The following MIDN variants were observed in gnomAD, a reference collection of about 807,000 sequenced individuals.
The protein encoded by MIDN is midnolin.
In MIDN, 26 loss-of-function variants were observed where a neutral mutation model predicts 46.1. The observed-to-expected ratio is 0.56, with a 90% CI of 0.41 to 0.78. The LOEUF is 0.78. MIDN is among the 30% of genes least tolerant of loss of function. The probability of loss-of-function intolerance (pLI) is 0.00; values close to 1 mark genes in which losing one functional copy is unlikely to be tolerated. For missense variants in MIDN, 850 were observed against 771.8 expected, an observed-to-expected ratio of 1.10 and a Z score of -1.20; for synonymous variants, 432 against 343.3, an observed-to-expected ratio of 1.26 and a Z score of -2.86.
chr19:1,251,727 C>T, intron 3 of MIDN, 78 bp downstream of exon 3: 1 of 1,519,202 alleles, frequency 6.6e-7, no homozygotes, highest in Non-Finnish European at 9.0e-7. Context: ...CCTGTCCGCA[C>T]ACACACTACC....
chr19:1,249,379 C>A (rs1454246570), intron 1 of MIDN, among the ~76,000 whole-genome samples: 1 of 150,520 alleles, frequency 6.6e-6, no homozygotes, highest in Admixed American at 6.6e-5. Context: ...TTCGCGCTCC[C>A]GCTTCCGCTC....
At position 1,258,802 on chromosome 19, in the gene MIDN, AG is replaced by A. The variant is rs1176397562; in HGVS notation, c.*1531del. 2.6e-5 allele frequency: 4 copies of A among 152,064 alleles called. No homozygotes were observed. Among genetic ancestry groups the A allele is most frequent in the Non-Finnish European group, 5.9e-5 (4 of 67,960 alleles). The allele number at this position is 152,064 out of a possible 1,614,324, so 9.4% of individuals were successfully genotyped here. A position where few individuals can be genotyped will look rare whatever the true frequency, so the allele number is the denominator to read the frequency against. On this transcript the variant is annotated 3_prime_UTR_variant, in exon 9 of 9. Coordinates refer to ENST00000682408, the MANE Select transcript of MIDN (RefSeq NM_001388306.1). ...TTGTTTTCATTTTTCCAAAAAAAAA[AG>A]AAAAAAAAATAGAAAAAAAAGGAGT...
chr19:1,251,510 G>A (rs1422272437), intron 2 of MIDN, 52 bp from the exon 3 acceptor site: 6 of 1,558,278 alleles, frequency 3.9e-6, no homozygotes, highest in Non-Finnish European at 5.2e-6. Context: ...CTCTGCTTCC[G>A]CGTCCCTGTG....
At chr19:1,253,393 C>T (rs1229530010) in intron 4 of MIDN, among the ~76,000 whole-genome samples, 3 of 150,956 alleles carry the variant, frequency 2.0e-5, no homozygotes, top group Non-Finnish European at 4.4e-5. Flanking sequence ...GTCATCCCAG[C>T]CTATGTCACT....
At chr19:1,252,100 C>G (rs1005935627) in intron 4 of MIDN, among the ~76,000 whole-genome samples, 199 bp downstream of exon 4, 2 of 152,154 alleles carry the variant, frequency 1.3e-5, no homozygotes, top group Non-Finnish European at 2.9e-5. Context: ...GGAGGGCTTT[C>G]TCTCCCACGG....
rs1599984766 is a variant in MIDN, at chr19:1,254,366, T to C, written c.713T>C (p.Val238Ala). 1.6e-5 allele frequency: 25 copies of C among 1,561,698 alleles called. No homozygotes were observed. The highest frequency in any genetic ancestry group is 2.2e-5 in the Non-Finnish European group (25 of 1,160,628). ...ASPVSSPCRPVSSAARVPPVP... is the reference protein window; with the variant it reads ...ASPVSSPCRPASSAARVPPVP... ...CCCGTGTCCTCGCCCTGCCGGCCGG[T>C]GTCCAGTGCCGCCCGAGTCCCCCCG... Residue 238 changes from valine to alanine, a missense_variant, in exon 6 of 9, where the codon GTG becomes GCG. Physicochemically the swap from Val to Ala is moderately conservative, Grantham distance 64. Transcript: ENST00000682408.
rs2081213716 is a variant in MIDN at position 1,257,428 on chromosome 19, TC to T, written c.*157del. ...CTTTTCTTCTTTTTTATTATTTTTT[TC>T]TTTTTTTAAAAAGTTCTGACCGTGG... is the stretch of plus-strand genomic sequence containing the variant. On this transcript the variant is annotated 3_prime_UTR_variant, in exon 9 of 9. Coordinates refer to ENST00000682408, the MANE Select transcript of MIDN (RefSeq NM_001388306.1). 3.2e-6 allele frequency: 2 copies of T among 628,296 alleles called. No individual in the cohort carries two copies. The highest frequency in any genetic ancestry group is 3.8e-5 in the African/African-American group (2 of 52,468). The allele number at this position is 628,296 out of a possible 1,614,324, so 38.9% of individuals were successfully genotyped here. A position where few individuals can be genotyped will look rare whatever the true frequency, so the allele number is the denominator to read the frequency against.
In MIDN at chr19:1,253,967, C is replaced by T; in HGVS notation, c.398C>T (p.Pro133Leu). 7.2e-7 allele frequency: 1 copy of T among 1,390,534 alleles called. No homozygotes were observed. Among genetic ancestry groups the T allele is most frequent in the Non-Finnish European group, 9.3e-7 (1 of 1,080,008 alleles). The allele number at this position is 1,390,534 out of a possible 1,614,324, so 86.1% of individuals were successfully genotyped here. A position where few individuals can be genotyped will look rare whatever the true frequency, so the allele number is the denominator to read the frequency against. ...CTGTCCCCACAGCCCCCAGCGGCGCCCGGGCCGGGCCGGGCTGGCGGAGGA... is the reference window on the plus strand; with the variant it reads ...CTGTCCCCACAGCCCCCAGCGGCGCTCGGGCCGGGCCGGGCTGGCGGAGGA... ...SLTETQPPAA[P>L]GPGRAGGGGF... The change falls in exon 5 of 9, where the codon CCC (proline) becomes CTC (leucine). Residue 133 changes from proline to leucine, a missense_variant. Physicochemically the swap from Pro to Leu is moderately conservative, Grantham distance 98. Coordinates refer to ENST00000682408, the MANE Select transcript of MIDN (RefSeq NM_001388306.1).
intron 8 of MIDN, 69 bp from the exon 9 acceptor site, chr19:1,256,926 G>A: frequency 6.3e-7 from 1 of 1,592,164 alleles, no homozygotes; most frequent in South Asian, 1.1e-5. Flanking sequence ...ATTTGCTGGG[G>A]TCTGGGGTGG....
chr19:1,252,378 C>T (rs939227137), intron 4 of MIDN, among the ~76,000 whole-genome samples: 13 of 151,950 alleles, frequency 8.6e-5, no homozygotes, highest in African/African-American at 1.4e-4. Context: ...TCTCGTCACC[C>T]TCCCCTCCTC....
rs772083370 is a variant in MIDN at position 1,251,558 on chromosome 19, C to T, written c.234-4C>T. On this transcript the variant is annotated splice_polypyrimidine_tract_variant and splice_region_variant and intron_variant, in intron 2 of 8. Coordinates refer to ENST00000682408, the MANE Select transcript of MIDN (RefSeq NM_001388306.1). The stretch of plus-strand genomic sequence containing the variant: ...AGTCTCATGCTCTTCCTTCCTCCCC[C>T]CAGCCGGCTCAGTTCGGGGAAGCTG... 13 of 1,607,372 alleles carry T rather than the reference C, an allele frequency of 8.1e-6. No individual in the cohort carries two copies. The highest frequency in any genetic ancestry group is 1.1e-5 in the South Asian group (1 of 90,430).
At chr19:1,256,051 G>C (rs924169103) in intron 8 of MIDN, among the ~76,000 whole-genome samples, 1 of 152,224 alleles carries the variant, frequency 6.6e-6, no homozygotes, top group African/African-American at 2.4e-5. Flanking sequence ...GAAAAGCAGC[G>C]AACACAACCC....
At chr19:1,249,467 G>GC (rs1186699824) in intron 1 of MIDN, among the ~76,000 whole-genome samples, 5 of 149,624 alleles carry the variant, frequency 3.3e-5, no homozygotes, top group African/African-American at 1.2e-4. Flanking sequence ...AATGGCCCGC[G>GC]CCCCCTCCCG....
intron 1 of MIDN, among the ~76,000 whole-genome samples, chr19:1,249,230 C>A (rs895578899): frequency 2.0e-5 from 3 of 148,500 alleles, no homozygotes; most frequent in Admixed American, 2.0e-4. Context: ...CCGGCGGCAG[C>A]CACCCGGCCA....
rs1346059231 is a variant in MIDN, at chr19:1,258,768, GGTTTT to G, written c.*1507_*1511del. ...CAGAGGGTAGAGCTCAAGGATTTTG[GGTTTT>G]GTTTTGTTTTCATTTTTCCAAAAAA... On this transcript the variant is annotated 3_prime_UTR_variant, in exon 9 of 9. Transcript: ENST00000682408. 2 of 151,032 alleles carry G rather than the reference GGTTTT, an allele frequency of 1.3e-5. No homozygotes were observed. Among genetic ancestry groups the G allele is most frequent in the Non-Finnish European group, 1.5e-5 (1 of 67,854 alleles). 9.4% of individuals were successfully genotyped at this position (151,032 alleles called of 1,614,324 possible). A position where few individuals can be genotyped will look rare whatever the true frequency, so the allele number is the denominator to read the frequency against.
chr19:1,251,618 C>T lies in MIDN; in HGVS notation c.290C>T (p.Thr97Ile). The T allele has an allele frequency of 3.1e-6, 5 of 1,609,588 alleles. No homozygotes were observed. The highest frequency in any genetic ancestry group is 1.3e-5 in the African/African-American group (1 of 74,750). Reference sequence around the variant, plus strand: ...GGCGTGGGTGATGGCAGCAAGCTGACCTTGGTACCCACCGTGGAAGCGGGC... The same window carrying T: ...GGCGTGGGTGATGGCAGCAAGCTGATCTTGGTACCCACCGTGGAAGCGGGC... The part of the protein sequence containing the change: ...EFGVGDGSKL[T>I]LVPTVEAGLM... The change falls in exon 3 of 9, where the codon ACC becomes ATC. Residue 97 changes from threonine (T) to isoleucine (I), a missense_variant. By Grantham distance (89) the Thr-to-Ile change is moderately conservative (BLOSUM62 -1). Coordinates refer to ENST00000682408, the MANE Select transcript of MIDN (RefSeq NM_001388306.1).
intron 4 of MIDN, 121 bp downstream of exon 4, chr19:1,252,022 A>C: frequency 1.2e-6 from 1 of 810,924 alleles, no homozygotes. Flanking sequence ...GGGACGCGCC[A>C]CCCCGCCTGG....
rs748886784 is a variant in MIDN, at chr19:1,252,414, A to T, written c.384+513A>T. 8.1e-4 allele frequency among the ~76,000 whole-genome samples: 103 copies of T among 127,520 alleles called. 1 individual carries two copies. Among genetic ancestry groups the T allele is most frequent in the Non-Finnish European group, 1.6e-3 (87 of 54,302 alleles). 83.7% of individuals were successfully genotyped at this position (127,520 alleles called of 152,430 possible). ...TCTCTGGCCTTTGTTCTCTACCCCG[A>T]AAGGGGAGGGGGCGGGGGTGCCCAG... is the stretch of plus-strand genomic sequence containing the variant. On this transcript the variant is annotated intron_variant, in intron 4 of 8. Transcript: ENST00000682408.
At chr19:1,253,573 C>A (rs189903174) in intron 4 of MIDN, 2 of 157,246 alleles carry the variant, frequency 1.3e-5, no homozygotes, top group African/African-American at 4.8e-5. Flanking sequence ...TTGTGCCCTC[C>A]GGGACTCCAG....
Sources: allele counts gnomAD v4.1 joint callset (sites outside exome capture counted in the v4.1 genomes callset), GRCh38; gene constraint gnomAD v4.1.1; transcripts MANE v1.5; gene names NCBI Gene and HGNC (gene_info 2026-07-23, HGNC 2026-07-21).